Variants in LRRC4C observed in about 807,000 individuals in gnomAD.
LRRC4C encodes the protein leucine-rich repeat-containing protein 4C.
In LRRC4C, 5 loss-of-function variants were observed where a neutral mutation model predicts 33.6. The observed-to-expected ratio is 0.15, with a 90% CI of 0.08 to 0.31. The LOEUF is 0.31. Among genes scored for constraint, LRRC4C ranks in the 10% least tolerant of loss-of-function variants. The probability of loss-of-function intolerance (pLI) is 1.00; values close to 1 mark genes in which losing one functional copy is unlikely to be tolerated. For synonymous variants in LRRC4C, 329 were observed against 302.0 expected (o/e 1.09, Z -0.93); for missense variants, 560 against 796.7 (o/e 0.70, Z 3.58).
At chr11:40,947,500 G>C (rs1958458372) in intron 1 of LRRC4C, among the ~76,000 whole-genome samples, 1 of 152,080 alleles carries the variant, frequency 6.6e-6, no homozygotes, top group Non-Finnish European at 1.5e-5. Flanking sequence ...AGTGAATCAT[G>C]AGATTTTCTA....
At chr11:40,442,761 G>C (rs1290528461) in intron 3 of LRRC4C, among the ~76,000 whole-genome samples, 1 of 152,174 alleles carries the variant, frequency 6.6e-6, no homozygotes, top group Non-Finnish European at 1.5e-5. Flanking sequence ...TCCAGTATCT[G>C]TTCCACTGAT....
intron 3 of LRRC4C, among the ~76,000 whole-genome samples, chr11:40,396,853 C>CA (rs1483371212): frequency 6.6e-6 from 1 of 151,934 alleles, no homozygotes; most frequent in Non-Finnish European, 1.5e-5. Context: ...GATGTAAAAA[C>CA]AAAAAAGAAA....
intron 2 of LRRC4C, among the ~76,000 whole-genome samples, chr11:40,834,325 G>A (rs867592775): frequency 7.4e-4 from 113 of 152,084 alleles, no homozygotes; most frequent in African/African-American, 2.7e-3. Context: ...ACAAAAATTA[G>A]GCAGGCATGG....
At chr11:41,182,532 C>A (rs1472623801) in intron 1 of LRRC4C, among the ~76,000 whole-genome samples, 2 of 151,998 alleles carry the variant, frequency 1.3e-5, no homozygotes, top group Admixed American at 1.3e-4. Flanking sequence ...ACCACAGTTT[C>A]CTTATTGTTA....
chr11:40,475,691 C>A (rs911068312), intron 3 of LRRC4C, among the ~76,000 whole-genome samples: 1 of 152,102 alleles, frequency 6.6e-6, no homozygotes, highest in Non-Finnish European at 1.5e-5. Context: ...CATTAGAGTC[C>A]TGTCCTATTC....
chr11:41,129,124 C>T (rs1400849128), intron 1 of LRRC4C, among the ~76,000 whole-genome samples: 10 of 151,862 alleles, frequency 6.6e-5, no homozygotes, highest in Non-Finnish European at 1.2e-4. Context: ...GACATGTGAA[C>T]ACCAAACTGG....
intron 1 of LRRC4C, among the ~76,000 whole-genome samples, chr11:41,224,444 G>A (rs1045608596): frequency 3.3e-5 from 5 of 152,012 alleles, no homozygotes; most frequent in Non-Finnish European, 7.4e-5. Context: ...TGATAATATT[G>A]GCCTAATGTA....
At chr11:40,504,066 T>C (rs1327752799) in intron 3 of LRRC4C, among the ~76,000 whole-genome samples, 2 of 152,154 alleles carry the variant, frequency 1.3e-5, no homozygotes, top group African/African-American at 4.8e-5. Context: ...TCCATTTACA[T>C]GGTGAAAAGA....
In LRRC4C at chr11:40,414,079, T is replaced by C. The variant is rs1052148953; in HGVS notation, c.-269-94358A>G. 5.9e-5 allele frequency among the ~76,000 whole-genome samples: 9 copies of C among 152,100 alleles called. No homozygotes were observed. The East Asian group carries it at 1.5e-3, about 26-fold the overall frequency. ...AGATGATTCTGCAACAATATTTACA[T>C]ATAAAATGTGCCTATTCTTTTATGG... On this transcript the variant is annotated intron_variant, in intron 3 of 6. Transcript: ENST00000528697.
At chr11:41,373,857 A>G (rs1012974687) in intron 1 of LRRC4C, among the ~76,000 whole-genome samples, 3 of 152,218 alleles carry the variant, frequency 2.0e-5, no homozygotes, top group African/African-American at 7.2e-5. Context: ...GTACTTAATG[A>G]GATCTTACTA....
At chr11:41,129,244 A>G (rs1006921822) in intron 1 of LRRC4C, among the ~76,000 whole-genome samples, 2 of 151,944 alleles carry the variant, frequency 1.3e-5, no homozygotes, top group Non-Finnish European at 2.9e-5. Flanking sequence ...ATTTATTTAT[A>G]TTCTCCGTAC....
At chr11:40,202,150 T>C (rs1434635878) in intron 5 of LRRC4C, among the ~76,000 whole-genome samples, 1 of 144,116 alleles carries the variant, frequency 6.9e-6, no homozygotes, top group Non-Finnish European at 1.5e-5. Context: ...AAAACAACAC[T>C]TGGGAAATAG....
At chr11:40,438,612 A>G (rs547392195) in intron 3 of LRRC4C, among the ~76,000 whole-genome samples, 2 of 152,350 alleles carry the variant, frequency 1.3e-5, no homozygotes, top group South Asian at 4.1e-4. Context: ...ACTACATTAA[A>G]GGACTCTGGA....
chr11:40,493,795 G>A (rs916387019), intron 3 of LRRC4C, among the ~76,000 whole-genome samples: 5 of 152,108 alleles, frequency 3.3e-5, no homozygotes, highest in African/African-American at 7.2e-5. Flanking sequence ...TAGGTGGAAC[G>A]CGAATTACCA....
chr11:41,382,276 C>T (rs1333351889), intron 1 of LRRC4C, among the ~76,000 whole-genome samples: 1 of 151,836 alleles, frequency 6.6e-6, no homozygotes, highest in African/African-American at 2.4e-5. Context: ...CTAAAACAAT[C>T]AAAACTTAAG....
chr11:41,111,047 G>A (rs1321635370), intron 1 of LRRC4C, among the ~76,000 whole-genome samples: 1 of 152,064 alleles, frequency 6.6e-6, no homozygotes, highest in East Asian at 1.9e-4. Flanking sequence ...GAGAAGCACT[G>A]TGCTGGGCAT....
intron 2 of LRRC4C, among the ~76,000 whole-genome samples, chr11:40,876,901 C>T (rs1414253583): frequency 1.0e-5 from 1 of 98,838 alleles, no homozygotes. Context: ...GGCTCTTTCT[C>T]AAAAAAAAAA....
chr11:40,320,709 T>C (rs1945801046), intron 3 of LRRC4C, among the ~76,000 whole-genome samples: 1 of 152,088 alleles, frequency 6.6e-6, no homozygotes, highest in African/African-American at 2.4e-5. Context: ...GCTCCACATA[T>C]AAAACAAAAA....
intron 2 of LRRC4C, among the ~76,000 whole-genome samples, chr11:40,910,284 C>G (rs1956610449): frequency 6.6e-6 from 1 of 151,956 alleles, no homozygotes; most frequent in African/African-American, 2.4e-5. Context: ...TATTGAGCAT[C>G]TATTTTATTC....
Sources: gnomAD v4.1 joint callset for allele counts (sites outside exome capture counted in the v4.1 genomes callset) on GRCh38, gnomAD v4.1.1 for gene constraint, MANE v1.5 for transcripts, NCBI Gene and HGNC (gene_info 2026-07-23, HGNC 2026-07-21) for gene names.